The following ZNF521 variants were observed in gnomAD, a reference collection of about 807,000 sequenced individuals.
The protein encoded by ZNF521 is LYST-interacting protein 3.
Under a neutral mutation model 105.5 loss-of-function variants are expected in ZNF521, and 14 were observed. The observed-to-expected ratio is 0.13, with a 90% confidence interval of 0.09 to 0.21. The LOEUF (loss-of-function observed/expected upper bound fraction) is 0.21. ZNF521 is among the 10% of genes least tolerant of loss of function. The pLI is 1.00. For synonymous variants in ZNF521, 635 were observed against 606.0 expected (o/e 1.05, Z -0.70); for missense variants, 1,233 against 1,629.7 (o/e 0.76, Z 4.19).
chr18:25,244,025 A>T (rs932902909), intron 3 of ZNF521, among the ~76,000 whole-genome samples: 1 of 152,122 alleles, frequency 6.6e-6, no homozygotes, highest in African/African-American at 2.4e-5. Flanking sequence ...CTTACATGTG[A>T]CACAGACAAA....
chr18:25,309,313 A>G (rs1306590316), intron 3 of ZNF521, among the ~76,000 whole-genome samples: 1 of 152,256 alleles, frequency 6.6e-6, no homozygotes, highest in Non-Finnish European at 1.5e-5. Context: ...TGAGGTTAGA[A>G]GATGGTATTC....
intron 3 of ZNF521, among the ~76,000 whole-genome samples, chr18:25,252,797 T>C (rs139104609): frequency 0.011 from 1,713 of 152,190 alleles, 87 homozygotes; most frequent in Admixed American, 0.099. Context: ...AGCGCATCCA[T>C]AATGTGCTAG....
intron 3 of ZNF521, among the ~76,000 whole-genome samples, chr18:25,245,189 G>A (rs1907618292): frequency 1.3e-5 from 2 of 152,206 alleles, no homozygotes; most frequent in South Asian, 4.1e-4. Flanking sequence ...TTTGTTGTGA[G>A]TCATCAATGA....
At chr18:25,327,973 G>A (rs1410113763) in intron 2 of ZNF521, among the ~76,000 whole-genome samples, 2 of 152,162 alleles carry the variant, frequency 1.3e-5, no homozygotes, top group Non-Finnish European at 2.9e-5. Flanking sequence ...GGGCATCCCA[G>A]GCAGACACCT....
At chr18:25,333,333 T>TATATAC (rs1427207304) in intron 2 of ZNF521, among the ~76,000 whole-genome samples, 1 of 149,658 alleles carries the variant, frequency 6.7e-6, no homozygotes, top group East Asian at 1.9e-4. Flanking sequence ...TATATATATA[T>TATATAC]ACACACATAT....
chr18:25,135,415 G>A (rs982208905), intron 5 of ZNF521, among the ~76,000 whole-genome samples: 4 of 151,846 alleles, frequency 2.6e-5, no homozygotes, highest in African/African-American at 9.7e-5. Context: ...CTTTTTGTTT[G>A]GGTTGGAAGG....
intron 3 of ZNF521, among the ~76,000 whole-genome samples, chr18:25,250,008 G>A (rs1165122677): frequency 1.3e-5 from 2 of 152,096 alleles, no homozygotes; most frequent in East Asian, 1.9e-4. Flanking sequence ...GCGCAATCTC[G>A]GCTAACTGCA....
chr18:25,136,951 C>T (rs1007599865), intron 5 of ZNF521, among the ~76,000 whole-genome samples: 4 of 152,068 alleles, frequency 2.6e-5, no homozygotes, highest in African/African-American at 9.7e-5. Context: ...GGGAAAAACA[C>T]AGGCAGGGAG....
intron 4 of ZNF521, 66 bp downstream of exon 4, chr18:25,224,279 G>T (rs987337934): frequency 6.5e-6 from 9 of 1,392,510 alleles, no homozygotes; most frequent in Non-Finnish European, 8.9e-6. Flanking sequence ...TGTGGAGAGT[G>T]TAAACATAAA....
intron 5 of ZNF521, among the ~76,000 whole-genome samples, chr18:25,097,546 G>A (rs1181242581): frequency 6.6e-6 from 1 of 152,086 alleles, no homozygotes; most frequent in African/African-American, 2.4e-5. Flanking sequence ...CTGGCAATAT[G>A]GGAGTGTCTG....
intron 5 of ZNF521, among the ~76,000 whole-genome samples, chr18:25,172,915 C>T (rs2035473040): frequency 6.6e-6 from 1 of 152,210 alleles, no homozygotes; most frequent in Non-Finnish European, 1.5e-5. Context: ...AAATTCTCTA[C>T]TATTAGGCAG....
intron 2 of ZNF521, among the ~76,000 whole-genome samples, chr18:25,327,186 T>G (rs1307439279): frequency 5.3e-5 from 8 of 152,220 alleles, no homozygotes; most frequent in African/African-American, 1.7e-4. Context: ...GAGTTCTTTC[T>G]TTCAAGGATA....
At chr18:25,348,909 G>A (rs6508365) in intron 2 of ZNF521, among the ~76,000 whole-genome samples, 1 of 151,958 alleles carries the variant, frequency 6.6e-6, no homozygotes, top group African/African-American at 2.4e-5. Context: ...CTACGTGCAT[G>A]AGAAGAAATC....
intron 3 of ZNF521, among the ~76,000 whole-genome samples, chr18:25,285,743 C>T (rs1056633909): frequency 1.3e-5 from 2 of 152,084 alleles, no homozygotes; most frequent in African/African-American, 2.4e-5. Context: ...TACGCGCCTG[C>T]GCGCGCACAT....
Position 25,227,575 on chromosome 18 carries a change from C to T in ZNF521, c.343G>A (p.Gly115Arg), listed in dbSNP as rs755117837. Residue 115 changes from glycine (G) to arginine (R), a missense_variant, in exon 4 of 8, where the codon GGG becomes AGG. Gly to Arg is a moderately radical substitution (Grantham distance 125, BLOSUM62 -2). Around this residue, in one of 6 missense-constraint regions of ZNF521, gnomAD observed 85 missense variants for 162.2 expected, o/e 0.52. Coordinates refer to ENST00000361524, the MANE Select transcript of ZNF521 (RefSeq NM_015461.3). The surrounding 1 kb of genome is among the most constrained non-coding windows in gnomAD (Gnocchi z 5.7). ...CAGAATTGACACGGGTATGGAAGCC[C>T]AGGGCCACCTTCTTCCTCTCCAAAA... ...CDFGEEEGGPGLPYPCQFCDK... is the reference protein window; with the variant it reads ...CDFGEEEGGPRLPYPCQFCDK... The T allele has an allele frequency of 6.2e-7, 1 of 1,614,148 alleles. No homozygotes were observed. Among genetic ancestry groups the T allele is most frequent in the Non-Finnish European group, 8.5e-7 (1 of 1,180,008 alleles).
At chr18:25,079,181 C>T (rs895309800) in intron 7 of ZNF521, among the ~76,000 whole-genome samples, 4 of 152,240 alleles carry the variant, frequency 2.6e-5, no homozygotes, top group African/African-American at 9.6e-5. Context: ...GATTGGCGCT[C>T]ATGCCACTGG....
In ZNF521 at chr18:25,206,005, TG is replaced by T. The variant is rs150644615; in HGVS notation, c.3574-10762del. On this transcript the variant is annotated intron_variant, in intron 4 of 7. Coordinates refer to ENST00000361524, the MANE Select transcript of ZNF521 (RefSeq NM_015461.3). ...CTTATTCATTTTTTTTTAATTTGTT[TG>T]TTTTTTTGTTTTTTTGAGACAGAGT... 3.3e-3 allele frequency among the ~76,000 whole-genome samples: 499 copies of T among 152,192 alleles called. 14 individuals are homozygous for T. The East Asian group carries it at 0.076, about 23-fold the overall frequency.
intron 5 of ZNF521, among the ~76,000 whole-genome samples, chr18:25,174,257 C>T (rs887973624): frequency 1.3e-5 from 2 of 152,124 alleles, no homozygotes; most frequent in East Asian, 3.8e-4. Flanking sequence ...AGTTTCCTTT[C>T]GAGGAGCACT....
intron 3 of ZNF521, among the ~76,000 whole-genome samples, chr18:25,244,282 GCACACACACA>G (rs57083520): frequency 1.3e-3 from 193 of 147,438 alleles, no homozygotes; most frequent in African/African-American, 4.7e-3. Context: ...GTATGCATGT[GCACACACACA>G]CACACACACA....
Sources: gnomAD v4.1 joint callset for allele counts (sites outside exome capture counted in the v4.1 genomes callset) on GRCh38, gnomAD v4.1.1 for gene constraint, gnomAD v4.1.1 regional missense constraint, Gnocchi (gnomAD v3.1) non-coding constraint, MANE v1.5 for transcripts, NCBI Gene and HGNC (gene_info 2026-07-23, HGNC 2026-07-21) for gene names.